ZNF682: variants seen among roughly 807,000 people sequenced by gnomAD.
The protein encoded by ZNF682 is zinc finger protein 682.
In ZNF682, 29 loss-of-function variants were observed where a neutral mutation model predicts 36.5. The observed-to-expected ratio is 0.80, with a 90% confidence interval of 0.59 to 1.08. The LOEUF (loss-of-function observed/expected upper bound fraction) is 1.08. Among genes scored for constraint, ZNF682 ranks in the 50% least tolerant of loss-of-function variants. The pLI is 0.00. For missense variants in ZNF682, 561 were observed against 579.7 expected, an observed-to-expected ratio of 0.97 and a Z score of 0.33; for synonymous variants, 180 against 197.0, an observed-to-expected ratio of 0.91 and a Z score of 0.72.
chr19:19,997,284 GTCCC>G, intron 3 of ZNF682: 1 of 398,422 alleles, frequency 2.5e-6, no homozygotes, highest in South Asian at 1.3e-4. Context: ...AATGAGCTAT[GTCCC>G]CATCTCAGCC....
In ZNF682 at chr19:20,027,007, G is replaced by A. The variant is rs563979710; in HGVS notation, c.4-2631C>T. Among the ~76,000 whole-genome samples the A allele has an allele frequency of 5.9e-5, 9 of 152,326 alleles. No individual in the cohort carries two copies. In the East Asian group the frequency reaches 1.7e-3, roughly 29 times the overall value. On this transcript the variant is annotated intron_variant, in intron 1 of 3. Transcript: ENST00000397165. ...ATCAGAAGTAGAGAAGTAAAAGTTT[G>A]TAAGTTCTAAAGCCAAGACATTCAA...
chr19:20,030,600 A>C (rs1440481117), intron 1 of ZNF682: 3 of 152,126 alleles, frequency 2.0e-5, no homozygotes, highest in African/African-American at 7.2e-5. Flanking sequence ...AATAACTATA[A>C]TAACAACTCT....
At chr19:20,032,591 C>T (rs1368261221) in intron 1 of ZNF682, among the ~76,000 whole-genome samples, 1 of 152,166 alleles carries the variant, frequency 6.6e-6, no homozygotes, top group East Asian at 1.9e-4. Context: ...TTATATCATA[C>T]CTGGTCATTT....
intron 3 of ZNF682, among the ~76,000 whole-genome samples, chr19:20,020,320 AC>A (rs1275311217): frequency 2.6e-5 from 4 of 151,996 alleles, no homozygotes; most frequent in African/African-American, 4.8e-5. Context: ...ACATGGTGAA[AC>A]CCTGTCTCTA....
rs763641367 is a variant in ZNF682 at position 20,006,411 on chromosome 19, C to A, written c.1091G>T (p.Ser364Ile). 1.2e-6 allele frequency: 2 copies of A among 1,612,822 alleles called. No homozygotes were observed. Among genetic ancestry groups the A allele is most frequent in the Non-Finnish European group, 8.5e-7 (1 of 1,179,746 alleles). ...TTCACATTTGTAGGGTTTCTCTCCG[C>A]TATGAATTACCTTATGTTCAGTAAG... is the stretch of plus-strand genomic sequence containing the variant. ...SILTEHKVIH[S>I]GEKPYKCEKC... is the part of the protein sequence containing the mutation. The change falls in exon 4 of 4, where the codon AGC (serine) becomes ATC (isoleucine). Residue 364 changes from serine (S) to isoleucine (I), a missense_variant. By Grantham distance (142) the Ser-to-Ile change is moderately radical. Transcript: ENST00000397165.
Position 20,006,175 on chromosome 19 carries a change from G to A in ZNF682, c.1327C>T (p.His443Tyr). The stretch of plus-strand genomic sequence containing the variant: ...TTGACGGCAGTATGAATTTTCTTAT[G>A]TCTAGTAAGGTGTGAGCACCGATTA... ...AFNRCSHLTR[H>Y]KKIHTAVKRY... The change falls in exon 4 of 4, where the codon CAT (histidine) becomes TAT (tyrosine). Residue 443 changes from histidine (H) to tyrosine (Y), a missense_variant. By Grantham distance (83) the His-to-Tyr change is moderately conservative. Transcript: ENST00000397165. 3 of 1,613,018 alleles carry A rather than the reference G, an allele frequency of 1.9e-6. No homozygotes were observed. The highest frequency in any genetic ancestry group is 2.5e-6 in the Non-Finnish European group (3 of 1,179,204).
At chr19:20,003,320 T>G (rs563843917), downstream of ZNF682, among the ~76,000 whole-genome samples, 10 of 152,060 alleles carry the variant, frequency 6.6e-5, no homozygotes, top group Middle Eastern at 6.8e-3. Flanking sequence ...AATTACATGT[T>G]CAAATTATTT....
downstream of ZNF682, among the ~76,000 whole-genome samples, chr19:20,002,628 G>A (rs1451604632): frequency 6.6e-6 from 1 of 152,140 alleles, no homozygotes; most frequent in East Asian, 1.9e-4. Flanking sequence ...AATATTAAAT[G>A]GTGATGTCCT....
At chr19:20,038,713 C>T (rs986370937) in intron 1 of ZNF682, among the ~76,000 whole-genome samples, 1 of 151,974 alleles carries the variant, frequency 6.6e-6, no homozygotes, top group African/African-American at 2.4e-5. Context: ...CACAAACCTT[C>T]AATTAACTTC....
Position 20,006,626 on chromosome 19 carries a change from T to C in ZNF682, c.876A>G (p.Arg292=). 2 of 1,614,180 alleles carry C rather than the reference T, an allele frequency of 1.2e-6. No homozygotes were observed. The highest frequency in any genetic ancestry group is 1.7e-6 in the Non-Finnish European group (2 of 1,180,032). ...EKPYTCEDCG[R]AFNRHSHLTK... ...TGAGATGTGAGTGCCGGTTAAACGCTCTGCCACAGTCTTCACATGTATAGG... is the reference window on the plus strand; with the variant it reads ...TGAGATGTGAGTGCCGGTTAAACGCCCTGCCACAGTCTTCACATGTATAGG... Residue 292 remains arginine, a synonymous_variant, in exon 4 of 4, where the codon AGA becomes AGG. Transcript: ENST00000397165.
chr19:20,000,134 G>A (rs2088156526), downstream of ZNF682, among the ~76,000 whole-genome samples: 1 of 152,194 alleles, frequency 6.6e-6, no homozygotes, highest in Admixed American at 6.5e-5. Context: ...CAGTAGCCTG[G>A]CGGGGCCTCT....
chr19:20,007,331 A>G (rs1472668523), intron 3 of ZNF682, 56 bp from the exon 4 acceptor site: 10 of 1,433,068 alleles, frequency 7.0e-6, no homozygotes, highest in Admixed American at 2.5e-5. Context: ...TCAGATACAT[A>G]TACTTTACAA....
chr19:20,032,748 G>A (rs1034484344), intron 1 of ZNF682, among the ~76,000 whole-genome samples: 1 of 152,188 alleles, frequency 6.6e-6, no homozygotes, highest in African/African-American at 2.4e-5. Flanking sequence ...TTTGCTAAGA[G>A]ATTGCAAAGA....
At chr19:20,015,345 T>C in intron 3 of ZNF682, 1 of 985,332 alleles carries the variant, frequency 1.0e-6, no homozygotes, top group Non-Finnish European at 1.2e-6. Context: ...GTAAAACCTA[T>C]TCAGTCAAAC....
intron 3 of ZNF682, among the ~76,000 whole-genome samples, chr19:20,016,803 T>C (rs1214265295): frequency 1.3e-5 from 2 of 151,972 alleles, no homozygotes; most frequent in African/African-American, 4.8e-5. Context: ...AAAGTAAATA[T>C]ATACACAGAT....
At chr19:20,010,125 C>T (rs2088270510) in intron 3 of ZNF682, among the ~76,000 whole-genome samples, 1 of 151,994 alleles carries the variant, frequency 6.6e-6, no homozygotes, top group African/African-American at 2.4e-5. Flanking sequence ...AAATATTTCT[C>T]AGACAAGCAA....
Position 20,010,716 on chromosome 19 carries a change from T to C in ZNF682, c.227-3441A>G, listed in dbSNP as rs374318698. Among the ~76,000 whole-genome samples the C allele has an allele frequency of 3.3e-4, 50 of 151,890 alleles. No individual in the cohort carries two copies. The South Asian group carries it at 6.3e-3, about 19-fold the overall frequency. ...GTGCGGTGGCTCACCCCTGTAATCC[T>C]AGCACTTTGGGAGACTGAGGCGGGC... On this transcript the variant is annotated intron_variant, in intron 3 of 3. Transcript: ENST00000397165.
intron 2 of ZNF682, among the ~76,000 whole-genome samples, chr19:20,023,453 G>A (rs570141230): frequency 4.6e-5 from 7 of 151,728 alleles, no homozygotes; most frequent in South Asian, 2.1e-4. Context: ...CCAAGATTGC[G>A]CCACTGCACA....
intron 3 of ZNF682, among the ~76,000 whole-genome samples, chr19:20,021,490 A>G (rs1168832849): frequency 6.6e-6 from 1 of 151,984 alleles, no homozygotes; most frequent in African/African-American, 2.4e-5. Flanking sequence ...CTCAAAAAGA[A>G]AGAAAACAAA....
Sources: allele counts gnomAD v4.1 joint callset (sites outside exome capture counted in the v4.1 genomes callset), GRCh38; gene constraint gnomAD v4.1.1; transcripts MANE v1.5; gene names NCBI Gene and HGNC (gene_info 2026-07-23, HGNC 2026-07-21).